The following STK32B variants were observed in gnomAD, a reference collection of about 807,000 sequenced individuals.
The protein encoded by STK32B is serine/threonine-protein kinase 32B.
STK32B carries 43 observed loss-of-function variants against 52.6 expected under a neutral mutation model. That is an observed-to-expected ratio of 0.82 (90% CI 0.64 to 1.05). The LOEUF (loss-of-function observed/expected upper bound fraction) is 1.05. Ranked by LOEUF, STK32B falls within the 50% of genes least tolerant of loss-of-function variation. The pLI, the probability that STK32B is intolerant of heterozygous loss-of-function variation, is 0.00. For missense variants in STK32B, 621 were observed against 534.6 expected, an observed-to-expected ratio of 1.16 and a Z score of -1.59; for synonymous variants, 238 against 204.3, an observed-to-expected ratio of 1.17 and a Z score of -1.41.
chr4:5,366,584 C>A (rs778871087), intron 4 of STK32B, among the ~76,000 whole-genome samples: 2 of 152,206 alleles, frequency 1.3e-5, no homozygotes, highest in East Asian at 3.9e-4. Flanking sequence ...AGCAACCCTA[C>A]CGAGGAGGGC....
In STK32B at chr4:5,398,965, A is replaced by T. The variant is rs1284751866; in HGVS notation, c.472+721A>T. ...ACCTGGGGGACCTGGTAAAAATCAGAGGTCAGGCCCGGTCCTGCTTCAGCA... is the reference window on the plus strand; with the variant it reads ...ACCTGGGGGACCTGGTAAAAATCAGTGGTCAGGCCCGGTCCTGCTTCAGCA... On this transcript the variant is annotated intron_variant, in intron 5 of 11. Coordinates refer to ENST00000282908, the MANE Select transcript of STK32B (RefSeq NM_018401.3). The surrounding 1 kb of genome is among the most constrained non-coding windows in gnomAD (Gnocchi z 4.9). 6.6e-6 allele frequency among the ~76,000 whole-genome samples: 1 copy of T among 152,182 alleles called. No individual in the cohort carries two copies. Among genetic ancestry groups the T allele is most frequent in the Admixed American group, 6.5e-5 (1 of 15,280 alleles).
chr4:5,246,698 G>C (rs570632371), intron 3 of STK32B, among the ~76,000 whole-genome samples: 3 of 152,284 alleles, frequency 2.0e-5, no homozygotes, highest in African/African-American at 7.2e-5. Flanking sequence ...CCCTATCTTT[G>C]TGGTTTTATC....
chr4:5,167,154 C>G (rs909965058), intron 2 of STK32B, among the ~76,000 whole-genome samples: 2 of 152,116 alleles, frequency 1.3e-5, no homozygotes, highest in African/African-American at 2.4e-5. Flanking sequence ...GGTTTTGATC[C>G]TGCGGAGAGC....
chr4:5,248,814 C>G (rs1347068586), intron 3 of STK32B, among the ~76,000 whole-genome samples: 1 of 151,928 alleles, frequency 6.6e-6, no homozygotes, highest in Non-Finnish European at 1.5e-5. Flanking sequence ...TCTCAGCAAA[C>G]TATCGTGAGG....
At chr4:5,316,271 A>G (rs540592969) in intron 3 of STK32B, among the ~76,000 whole-genome samples, 1 of 75,400 alleles carries the variant, frequency 1.3e-5, no homozygotes, top group Non-Finnish European at 2.2e-5. Flanking sequence ...TATATAGTAT[A>G]TATAATATAT....
chr4:5,450,805 T>G (rs1003660622), intron 7 of STK32B, among the ~76,000 whole-genome samples: 2 of 152,232 alleles, frequency 1.3e-5, no homozygotes, highest in Non-Finnish European at 2.9e-5. Context: ...CTATTACTTC[T>G]ACCCTGGGAG....
chr4:5,100,417 C>G (rs1713667907), intron 1 of STK32B, among the ~76,000 whole-genome samples: 1 of 139,372 alleles, frequency 7.2e-6, no homozygotes, highest in Non-Finnish European at 1.5e-5. Context: ...TCCCTCCCTC[C>G]TTGCCTTCCT....
At chr4:5,228,972 G>GA (rs532828957) in intron 3 of STK32B, among the ~76,000 whole-genome samples, 5 of 150,206 alleles carry the variant, frequency 3.3e-5, no homozygotes, top group South Asian at 2.1e-4. Flanking sequence ...CGTCTCAAAA[G>GA]AAAAAAAAAG....
In STK32B at chr4:5,105,532, C is replaced by A. The variant is rs575844636; in HGVS notation, c.53-34373C>A. Among the ~76,000 whole-genome samples the A allele has an allele frequency of 2.1e-3, 314 of 150,856 alleles. 2 individuals are homozygous for A. The highest frequency in any genetic ancestry group is 3.9e-3 in the Non-Finnish European group (262 of 67,762). On this transcript the variant is annotated intron_variant, in intron 1 of 11. Coordinates refer to ENST00000282908, the MANE Select transcript of STK32B (RefSeq NM_018401.3). ...GGCTCTGTGATAGAAATATCTGCTC[C>A]TATTCTATATTGCGCATTTTTACTC...
intron 3 of STK32B, among the ~76,000 whole-genome samples, chr4:5,316,989 A>G (rs369997221): frequency 0.064 from 2,394 of 37,334 alleles, 189 homozygotes; most frequent in Middle Eastern, 0.13. Context: ...TATATAATAT[A>G]TATGATATAA....
intron 5 of STK32B, among the ~76,000 whole-genome samples, chr4:5,401,365 C>T (rs3755839): frequency 0.3 from 45,952 of 152,042 alleles, 7,661 homozygotes; most frequent in African/African-American, 0.44. Context: ...AATACTTTCT[C>T]AGAGAACAAG....
chr4:5,225,360 T>C (rs1041145874), intron 3 of STK32B, among the ~76,000 whole-genome samples: 29 of 152,106 alleles, frequency 1.9e-4, no homozygotes, highest in Middle Eastern at 6.8e-3. Context: ...TGAGCCGAGA[T>C]CACGCCATTG....
intron 3 of STK32B, among the ~76,000 whole-genome samples, chr4:5,316,402 A>G (rs1237843726): frequency 2.8e-5 from 1 of 35,508 alleles, no homozygotes; most frequent in East Asian, 1.4e-3. Context: ...TATTACATAT[A>G]TAATATATAA....
At chr4:5,429,105 G>C (rs1040753335) in intron 6 of STK32B, among the ~76,000 whole-genome samples, 8 of 152,204 alleles carry the variant, frequency 5.3e-5, no homozygotes, top group African/African-American at 1.7e-4. Context: ...GATGCTAACA[G>C]TATGCTCTTG....
At chr4:5,194,746 C>A (rs1459945706) in intron 3 of STK32B, among the ~76,000 whole-genome samples, 1 of 152,158 alleles carries the variant, frequency 6.6e-6, no homozygotes, top group African/African-American at 2.4e-5. Flanking sequence ...ACTGTAGCTG[C>A]TTCTGCTTCT....
chr4:5,351,761 A>T (rs188697484), intron 4 of STK32B, among the ~76,000 whole-genome samples: 1 of 152,196 alleles, frequency 6.6e-6, no homozygotes, highest in African/African-American at 2.4e-5. Context: ...ATCAGAAATG[A>T]CAAAGAAGAC....
chr4:5,492,324 T>C (rs1212618474), intron 11 of STK32B, among the ~76,000 whole-genome samples: 2 of 152,148 alleles, frequency 1.3e-5, no homozygotes, highest in Non-Finnish European at 2.9e-5. Context: ...CCTAGGTATT[T>C]TATTCTCTTT....
Position 5,477,105 on chromosome 4 carries a change from C to G in STK32B, c.1106+9035C>G, listed in dbSNP as rs146107213. On this transcript the variant is annotated intron_variant, in intron 11 of 11. Coordinates refer to ENST00000282908, the MANE Select transcript of STK32B (RefSeq NM_018401.3). The stretch of plus-strand genomic sequence containing the variant: ...TAAGCAGAGCAAGGAAACAAATATA[C>G]CTTCCAGGAACTTAAAAGGCTCCCC... Among the ~76,000 whole-genome samples, 75 of 152,272 alleles carry G rather than the reference C, an allele frequency of 4.9e-4. 4 individuals carry two copies. The East Asian group carries it at 0.014, about 29-fold the overall frequency.
At chr4:5,158,853 A>C (rs1340628262) in intron 2 of STK32B, among the ~76,000 whole-genome samples, 1 of 151,946 alleles carries the variant, frequency 6.6e-6, no homozygotes, top group Non-Finnish European at 1.5e-5. Flanking sequence ...TACCTTAATT[A>C]CCTCTTTAAA....
Sources: gnomAD v4.1 joint callset for allele counts (sites outside exome capture counted in the v4.1 genomes callset) on GRCh38, gnomAD v4.1.1 for gene constraint, Gnocchi (gnomAD v3.1) non-coding constraint, MANE v1.5 for transcripts, NCBI Gene and HGNC (gene_info 2026-07-23, HGNC 2026-07-21) for gene names.